The following QTMAN variants were observed in gnomAD, a reference collection of about 807,000 sequenced individuals.
The protein encoded by QTMAN is queuosine-tRNA mannosyltransferase.
At chr2:144,243,375 G>C in the QTMAN span, among the ~76,000 whole-genome samples, 5 of 152,152 alleles carry the variant, frequency 3.3e-5, no homozygotes, top group African/African-American at 9.7e-5. Context: ...TAAGATGCAT[G>C]TATGTATGGC....
the QTMAN span, among the ~76,000 whole-genome samples, chr2:143,960,475 CA>C: frequency 6.6e-6 from 1 of 152,006 alleles, no homozygotes; most frequent in African/African-American, 2.4e-5. Flanking sequence ...TAGCTGAAAC[CA>C]TATCAGGAAA....
At chr2:144,228,474 A>G in the QTMAN span, among the ~76,000 whole-genome samples, 2 of 152,330 alleles carry the variant, frequency 1.3e-5, no homozygotes, top group East Asian at 3.9e-4. Flanking sequence ...AAATCTATTA[A>G]AATAACATTT....
chr2:144,270,659 G>A, the QTMAN span, among the ~76,000 whole-genome samples: 14 of 151,518 alleles, frequency 9.2e-5, no homozygotes, highest in African/African-American at 2.7e-4. Context: ...TGCCGGGGGT[G>A]GGGGGGCAAG....
the QTMAN span, among the ~76,000 whole-genome samples, chr2:144,329,573 T>C: frequency 3.2e-3 from 484 of 152,334 alleles, no homozygotes; most frequent in Non-Finnish European, 5.7e-3. Flanking sequence ...CATGGAAACA[T>C]TGTATTATTT....
chr2:144,267,890 G>A, the QTMAN span, among the ~76,000 whole-genome samples: 7 of 152,180 alleles, frequency 4.6e-5, no homozygotes, highest in African/African-American at 1.4e-4. Context: ...GCTATGGACT[G>A]AGTGTTTCTG....
At chr2:144,326,842 A>G in the QTMAN span, among the ~76,000 whole-genome samples, 1 of 152,208 alleles carries the variant, frequency 6.6e-6, no homozygotes, top group Non-Finnish European at 1.5e-5. Flanking sequence ...ATGTAAAGAC[A>G]GATAATGACC....
the QTMAN span, among the ~76,000 whole-genome samples, chr2:144,037,058 A>C: frequency 6.6e-6 from 1 of 152,220 alleles, no homozygotes; most frequent in Non-Finnish European, 1.5e-5. Context: ...ATACGAATAC[A>C]TAAATCCAAG....
chr2:144,182,659 A>C, the QTMAN span, among the ~76,000 whole-genome samples: 2 of 144,996 alleles, frequency 1.4e-5, no homozygotes, highest in African/African-American at 5.0e-5. Context: ...AAAAAAAAAA[A>C]AAAAAGGAAT....
the QTMAN span, among the ~76,000 whole-genome samples, chr2:144,192,014 A>G: frequency 1.3e-5 from 2 of 152,232 alleles, no homozygotes. Context: ...CTGGTAAAAT[A>G]CTTGAAGTAA....
chr2:143,970,186 T>A, the QTMAN span, among the ~76,000 whole-genome samples: 1 of 152,306 alleles, frequency 6.6e-6, no homozygotes, highest in East Asian at 1.9e-4. Context: ...AAACAAGGCA[T>A]GGACCAACGA....
chr2:144,316,718 T>G, the QTMAN span, among the ~76,000 whole-genome samples: 2 of 152,238 alleles, frequency 1.3e-5, no homozygotes, highest in African/African-American at 4.8e-5. Context: ...AATGTCATTC[T>G]ACAACACTAA....
At chr2:144,017,305 A>T in the QTMAN span, among the ~76,000 whole-genome samples, 1 of 152,104 alleles carries the variant, frequency 6.6e-6, no homozygotes. Context: ...GCCTGGCCCA[A>T]ATGTTACTTT....
chr2:144,109,803 C>G, the QTMAN span, among the ~76,000 whole-genome samples: 1 of 152,308 alleles, frequency 6.6e-6, no homozygotes, highest in South Asian at 2.1e-4. Flanking sequence ...ATCATCATCA[C>G]TGGCCATCAG....
the QTMAN span, among the ~76,000 whole-genome samples, chr2:144,140,192 A>G: frequency 6.6e-6 from 1 of 151,994 alleles, no homozygotes; most frequent in Non-Finnish European, 1.5e-5. Context: ...CTTGGCCACA[A>G]TATTTCTTAA....
At chr2:144,264,432 G>A in the QTMAN span, among the ~76,000 whole-genome samples, 1 of 152,112 alleles carries the variant, frequency 6.6e-6, no homozygotes. Flanking sequence ...TTTTCAGGGG[G>A]CTATTTATCA....
chr2:144,094,989 A>G, the QTMAN span, among the ~76,000 whole-genome samples: 1 of 152,176 alleles, frequency 6.6e-6, no homozygotes, highest in Non-Finnish European at 1.5e-5. Flanking sequence ...ACACAGCACA[A>G]CAGTCATCCA....
the QTMAN span, among the ~76,000 whole-genome samples, chr2:144,191,088 T>A: frequency 6.6e-6 from 1 of 152,238 alleles, no homozygotes; most frequent in Admixed American, 6.5e-5. Context: ...TAACAAATGG[T>A]AACAGTTTTA....
chr2:144,175,674 G>A, the QTMAN span, among the ~76,000 whole-genome samples: 19 of 138,956 alleles, frequency 1.4e-4, no homozygotes, highest in South Asian at 3.8e-3. Context: ...TATTTACAGA[G>A]AGAGAGAGAG....
the QTMAN span, among the ~76,000 whole-genome samples, chr2:144,157,487 A>G: frequency 6.6e-6 from 1 of 152,042 alleles, no homozygotes; most frequent in Non-Finnish European, 1.5e-5. Flanking sequence ...ACAATGGTCT[A>G]GAAATGCCAA....
Sources: allele counts gnomAD v4.1 joint callset (sites outside exome capture counted in the v4.1 genomes callset), GRCh38; gene constraint gnomAD v4.1.1; transcripts MANE v1.5; gene names NCBI Gene and HGNC (gene_info 2026-07-23, HGNC 2026-07-21).